Variants in EPM2A observed in about 807,000 individuals in gnomAD.
EPM2A encodes EPM2A glucan phosphatase, laforin, also known as laforin.
In EPM2A, 21 loss-of-function variants were observed where a neutral mutation model predicts 26.5. The ratio of observed to expected loss-of-function variants is 0.79; its 90% CI spans 0.56 to 1.14. EPM2A has a LOEUF of 1.14. EPM2A is among the 50% of genes most tolerant of loss of function. The probability of loss-of-function intolerance (pLI) is 0.00; values close to 1 mark genes in which losing one functional copy is unlikely to be tolerated. For synonymous variants in EPM2A, 217 were observed against 177.6 expected (o/e 1.22, Z -1.76); for missense variants, 458 against 440.8 (o/e 1.04, Z -0.35).
At chr6:145,679,450 A>G (rs944534992) in intron 2 of EPM2A, among the ~76,000 whole-genome samples, 2 of 151,842 alleles carry the variant, frequency 1.3e-5, no homozygotes, top group Non-Finnish European at 2.9e-5. Flanking sequence ...ATTTAAAAAG[A>G]AAAAAAAGAA....
At chr6:145,666,857 C>A (rs930820803) in intron 2 of EPM2A, among the ~76,000 whole-genome samples, 22 of 148,936 alleles carry the variant, frequency 1.5e-4, no homozygotes, top group African/African-American at 5.2e-4. Context: ...AGAAATAACA[C>A]CGCATACCTA....
chr6:145,397,427 C>CAAG (rs1385891729), intron 4 of EPM2A, among the ~76,000 whole-genome samples: 1 of 151,820 alleles, frequency 6.6e-6, no homozygotes, highest in Admixed American at 6.6e-5. Context: ...GGCAACAGAG[C>CAAG]AAGAGCCTTA....
chr6:145,484,399 T>C (rs928902243), intron 4 of EPM2A, among the ~76,000 whole-genome samples: 44 of 152,198 alleles, frequency 2.9e-4, no homozygotes, highest in African/African-American at 9.4e-4. Context: ...GTGCACTTAT[T>C]TGATGGACTA....
chr6:145,572,887 A>G (rs755617180), intron 2 of EPM2A, among the ~76,000 whole-genome samples: 1 of 152,204 alleles, frequency 6.6e-6, no homozygotes, highest in African/African-American at 2.4e-5. Context: ...AGCACACTCA[A>G]ATGAGGAAGG....
chr6:145,601,754 C>T lies in EPM2A; in HGVS notation c.340+33491G>A, dbSNP rs75548622. Among the ~76,000 whole-genome samples the T allele has an allele frequency of 4.6e-3, 707 of 152,208 alleles. 25 individuals are homozygous for T. In the East Asian group the frequency reaches 0.084, roughly 18 times the overall value. On this transcript the variant is annotated intron_variant, in intron 2 of 3. Coordinates refer to the EPM2A transcript ENST00000450221. ...AAAGTAGAAACTGAAACTTTCTTTCCCAGCTTCCGTGCAAGTAGAAACTAG... is the reference window on the plus strand; with the variant it reads ...AAAGTAGAAACTGAAACTTTCTTTCTCAGCTTCCGTGCAAGTAGAAACTAG...
chr6:145,641,834 C>T (rs1265344756), intron 2 of EPM2A, among the ~76,000 whole-genome samples: 3 of 152,120 alleles, frequency 2.0e-5, no homozygotes, highest in African/African-American at 7.2e-5. Context: ...GACTGAAATA[C>T]GTGGGCCCCT....
intron 2 of EPM2A, among the ~76,000 whole-genome samples, chr6:145,661,132 A>G (rs1183068105): frequency 2.0e-5 from 3 of 152,276 alleles, no homozygotes; most frequent in East Asian, 1.9e-4. Context: ...ACAGTGGTAG[A>G]GAAGAAAATA....
chr6:145,556,854 G>T (rs909450214), intron 2 of EPM2A, among the ~76,000 whole-genome samples: 5 of 152,026 alleles, frequency 3.3e-5, no homozygotes, highest in African/African-American at 1.2e-4. Context: ...TACAATAATA[G>T]TGTGTTTGTA....
chr6:145,634,111 T>TA (rs958186492), intron 3 of EPM2A, among the ~76,000 whole-genome samples: 3 of 152,186 alleles, frequency 2.0e-5, no homozygotes, highest in African/African-American at 7.2e-5. Context: ...CTGAGCTGGA[T>TA]ATCACTGTCC....
intron 1 of EPM2A, among the ~76,000 whole-genome samples, chr6:145,694,179 G>A (rs1360905235): frequency 2.6e-5 from 4 of 151,742 alleles, no homozygotes; most frequent in African/African-American, 9.7e-5. Context: ...TATTTTAAAT[G>A]TTTCATTTCT....
At chr6:145,489,954 A>G (rs1484824578) in intron 4 of EPM2A, 2 of 1,374,432 alleles carry the variant, frequency 1.5e-6, no homozygotes, top group Admixed American at 3.5e-5. Flanking sequence ...CCTGCTCTGG[A>G]AGCACACTCG....
intron 4 of EPM2A, among the ~76,000 whole-genome samples, chr6:145,447,783 A>G (rs539892020): frequency 1.7e-3 from 252 of 152,228 alleles, no homozygotes; most frequent in Non-Finnish European, 3.0e-3. Context: ...TTTTATGCAT[A>G]ACTCTTGATT....
At chr6:145,694,483 C>T (rs1246477528) in intron 1 of EPM2A, among the ~76,000 whole-genome samples, 6 of 151,774 alleles carry the variant, frequency 4.0e-5, no homozygotes, top group Admixed American at 2.0e-4. Context: ...AAAATGCAAA[C>T]GTAGAAAATA....
Position 145,578,920 on chromosome 6 carries a change from A to G in EPM2A, c.340+56325T>C, listed in dbSNP as rs1781073587. ...TAATTTGCTCATATCCTTCGCCCAC[A>G]TGTTCTCACTCATAGGTGGGAATTG... On this transcript the variant is annotated intron_variant, in intron 2 of 3. Transcript: ENST00000450221. Among the ~76,000 whole-genome samples, 3 of 151,838 alleles carry G rather than the reference A, an allele frequency of 2.0e-5. No individual in the cohort carries two copies. The South Asian group carries it at 6.3e-4, about 32-fold the overall frequency.
At chr6:145,447,701 T>TA (rs1562338427) in intron 4 of EPM2A, among the ~76,000 whole-genome samples, 2 of 152,114 alleles carry the variant, frequency 1.3e-5, no homozygotes, top group South Asian at 4.1e-4. Context: ...AACTCTTTAA[T>TA]AAACTTTAAA....
At chr6:145,530,865 T>C (rs999155967) in intron 2 of EPM2A, among the ~76,000 whole-genome samples, 3 of 152,172 alleles carry the variant, frequency 2.0e-5, no homozygotes, top group Non-Finnish European at 4.4e-5. Flanking sequence ...AGCCTCTGGA[T>C]TTTGCTGTCT....
At chr6:145,654,227 G>A (rs1160152608) in intron 2 of EPM2A, among the ~76,000 whole-genome samples, 2 of 146,770 alleles carry the variant, frequency 1.4e-5, no homozygotes, top group Non-Finnish European at 3.0e-5. Flanking sequence ...TTTCACTCTT[G>A]TTGCCCAGAC....
chr6:145,593,963 C>A (rs913507972), intron 2 of EPM2A, among the ~76,000 whole-genome samples: 2 of 151,258 alleles, frequency 1.3e-5, no homozygotes, highest in South Asian at 2.1e-4. Context: ...TAGAAAAAAA[C>A]AACAAAAGCT....
chr6:145,696,775 A>ATATG (rs1013519228), intron 1 of EPM2A, among the ~76,000 whole-genome samples: 1 of 135,216 alleles, frequency 7.4e-6, no homozygotes, highest in African/African-American at 2.7e-5. Context: ...AGGTAGGGGT[A>ATATG]TGTGTGTGTG....
Sources: allele counts gnomAD v4.1 joint callset (sites outside exome capture counted in the v4.1 genomes callset), GRCh38; gene constraint gnomAD v4.1.1; transcripts MANE v1.5; gene names NCBI Gene and HGNC (gene_info 2026-07-23, HGNC 2026-07-21).